Variants in CNKSR2 observed in about 807,000 individuals in gnomAD.
The protein encoded by CNKSR2 is connector enhancer of kinase suppressor of Ras 2.
Under a neutral mutation model 84.4 loss-of-function variants are expected in CNKSR2, and 14 were observed. That is an observed-to-expected ratio of 0.17 (90% CI 0.11 to 0.26). CNKSR2 has a LOEUF of 0.26. Among genes scored for constraint, CNKSR2 ranks in the 10% least tolerant of loss-of-function variants. CNKSR2 has a pLI of 1.00. For missense variants in CNKSR2, 485 were observed against 771.2 expected, an observed-to-expected ratio of 0.63 and a Z score of 4.40; for synonymous variants, 275 against 277.9, an observed-to-expected ratio of 0.99 and a Z score of 0.10.
intron 3 of CNKSR2, among the ~76,000 whole-genome samples, chrX:21,434,702 T>G (rs1268208795): frequency 9.0e-6 from 1 of 111,162 alleles, no homozygotes; most frequent in Non-Finnish European, 1.9e-5. Flanking sequence ...AAATTTTTAT[T>G]ACATTTTGGA....
intron 18 of CNKSR2, 49 bp from the exon 19 acceptor site, chrX:21,606,730 C>G (rs1217896893): frequency 1.3e-6 from 1 of 771,373 alleles, no homozygotes; most frequent in South Asian, 2.5e-5. Context: ...AAAATATGAC[C>G]AGAAACATTT....
In CNKSR2 at chrX:21,374,623, C is replaced by T; in HGVS notation, c.-275C>T. ...GCAGCAGCAGCAGCAGCAGCAGCAG[C>T]AGCAGCAGCCGCCGCCGCCGCCGCC... is the stretch of plus-strand genomic sequence containing the variant. On this transcript the variant is annotated 5_prime_UTR_variant, in exon 1 of 22. Transcript: ENST00000379510. The T allele has an allele frequency of 1.9e-6, 1 of 513,179 alleles. No individual in the cohort carries two copies. 42.3% of individuals were successfully genotyped at this position (513,179 alleles called of 1,213,427 possible). A position where few individuals can be genotyped will look rare whatever the true frequency, so the allele number is the denominator to read the frequency against.
intron 1 of CNKSR2, among the ~76,000 whole-genome samples, chrX:21,381,238 A>G (rs915109507): frequency 8.9e-6 from 1 of 111,850 alleles, no homozygotes; most frequent in African/African-American, 3.3e-5. Context: ...TATTTCAAAG[A>G]TGAGACCAGA....
rs776558260 is a variant in CNKSR2, at chrX:21,428,369, C to T, written c.228+1709C>T. On this transcript the variant is annotated intron_variant, in intron 2 of 21. Transcript: ENST00000379510. ...GTTTCTTTAAGCTATACTATATTTT[C>T]GTCTACCTTGTCTTGAAGTTATTCC... The T allele has an allele frequency of 3.6e-5, 4 of 111,907 alleles. No individual in the cohort carries two copies. In the South Asian group the frequency reaches 1.5e-3, roughly 41 times the overall value. The allele number at this position is 111,907 out of a possible 1,213,427, so 9.2% of individuals were successfully genotyped here.
chrX:21,440,278 G>A (rs1423765512), intron 3 of CNKSR2, among the ~76,000 whole-genome samples: 1 of 111,370 alleles, frequency 9.0e-6, no homozygotes, highest in Admixed American at 9.5e-5. Flanking sequence ...TGAGCCCTCA[G>A]TAAACCTTAG....
At position 21,646,149 on chromosome X, in the gene CNKSR2, G is replaced by A. The variant is rs547766394; in HGVS notation, c.2693-2682G>A. Among the ~76,000 whole-genome samples, 13 of 111,307 alleles carry A rather than the reference G, an allele frequency of 1.2e-4. No individual in the cohort carries two copies. In the South Asian group the frequency reaches 5.0e-3, roughly 43 times the overall value. On this transcript the variant is annotated intron_variant, in intron 20 of 21. Transcript: ENST00000379510. ...GTATGATGTGTAGGGGATGGGGGCA[G>A]GGGGTGGCTTATTATCTCTGATAGG...
chrX:21,635,374 ATAAATG>A (rs1424051297), intron 20 of CNKSR2, among the ~76,000 whole-genome samples: 1 of 86,379 alleles, frequency 1.2e-5, no homozygotes, highest in Non-Finnish European at 2.1e-5. Flanking sequence ...TTGATCTAAA[ATAAATG>A]TGTGTGTGTG....
At chrX:21,468,673 A>G (rs1169301963) in intron 4 of CNKSR2, 2 of 111,717 alleles carry the variant, frequency 1.8e-5, no homozygotes, top group Non-Finnish European at 3.8e-5. Flanking sequence ...TATCATTACT[A>G]GGTTGGTCAT....
intron 1 of CNKSR2, among the ~76,000 whole-genome samples, chrX:21,397,396 C>T (rs764671839): frequency 1.1e-4 from 12 of 111,390 alleles, no homozygotes; most frequent in Non-Finnish European, 1.9e-4. Context: ...TTTAAGTAAC[C>T]TCATTCACAC....
rs142219689 is a variant in CNKSR2 at position 21,587,156 on chromosome X, T to G, written c.1609-3416T>G. ...TAAAACAAGCAAATGACAGTGTAAC[T>G]ACAGATGGCTTAAGAGAAGAAAAAT... is the stretch of plus-strand genomic sequence containing the variant. On this transcript the variant is annotated intron_variant, in intron 13 of 21. Transcript: ENST00000379510. 5.3e-4 allele frequency among the ~76,000 whole-genome samples: 59 copies of G among 111,752 alleles called. No homozygotes were observed. In the East Asian group the frequency reaches 9.3e-3, roughly 18 times the overall value.
intron 11 of CNKSR2, among the ~76,000 whole-genome samples, chrX:21,557,774 A>T (rs2092152477): frequency 9.0e-6 from 1 of 111,355 alleles, no homozygotes; most frequent in African/African-American, 3.3e-5. Context: ...AGTAATCTTA[A>T]CTTTACAACT....
chrX:21,617,688 G>A (rs978730260), intron 20 of CNKSR2, among the ~76,000 whole-genome samples: 5 of 111,130 alleles, frequency 4.5e-5, no homozygotes, highest in African/African-American at 1.6e-4. Context: ...ATCAGTTAGA[G>A]TTCCTCTAAA....
intron 2 of CNKSR2, among the ~76,000 whole-genome samples, chrX:21,431,020 A>G (rs1287279569): frequency 8.9e-6 from 1 of 112,102 alleles, no homozygotes; most frequent in East Asian, 2.8e-4. Context: ...TTCTTTTAAT[A>G]AATATGTAAA....
chrX:21,533,230 A>G (rs1186987006), intron 11 of CNKSR2, among the ~76,000 whole-genome samples: 2 of 110,687 alleles, frequency 1.8e-5, no homozygotes, highest in African/African-American at 6.5e-5. Context: ...AGATATTTGA[A>G]CCTTTACTTT....
chrX:21,638,770 G>T lies in CNKSR2; in HGVS notation c.2693-10061G>T, dbSNP rs1376707544. On this transcript the variant is annotated intron_variant, in intron 20 of 21. Transcript: ENST00000379510. ...AATTTATTTTAACAGCAGCAGTAGG[G>T]AATATTTTTATAGTTAGAGTAACAG... is the stretch of plus-strand genomic sequence containing the variant. 2.7e-5 allele frequency among the ~76,000 whole-genome samples: 3 copies of T among 111,919 alleles called. No homozygotes were observed. The South Asian group carries it at 1.1e-3, about 42-fold the overall frequency.
chrX:21,630,493 C>T (rs1177597389), intron 20 of CNKSR2, among the ~76,000 whole-genome samples: 2 of 111,457 alleles, frequency 1.8e-5, no homozygotes, highest in Admixed American at 9.6e-5. Flanking sequence ...AAGGGAAATA[C>T]TATTATTATC....
At chrX:21,624,672 T>A (rs1038476437) in intron 20 of CNKSR2, among the ~76,000 whole-genome samples, 1 of 111,417 alleles carries the variant, frequency 9.0e-6, no homozygotes, top group Non-Finnish European at 1.9e-5. Flanking sequence ...TTGGCCAAGC[T>A]GGTTTCGAAC....
chrX:21,574,281 T>C (rs886528588), intron 13 of CNKSR2, among the ~76,000 whole-genome samples: 1 of 112,242 alleles, frequency 8.9e-6, no homozygotes, highest in African/African-American at 3.2e-5. Flanking sequence ...CCTCTGCCTG[T>C]TACCCAGTTC....
intron 15 of CNKSR2, chrX:21,592,511 G>A (rs953440163): frequency 9.0e-6 from 1 of 111,464 alleles, no homozygotes; most frequent in African/African-American, 3.3e-5. Context: ...AGCCAGGGAG[G>A]TTGAGGCTGC....
Sources: allele counts gnomAD v4.1 joint callset (sites outside exome capture counted in the v4.1 genomes callset), GRCh38; gene constraint gnomAD v4.1.1; transcripts MANE v1.5; gene names NCBI Gene and HGNC (gene_info 2026-07-23, HGNC 2026-07-21).